AGMO: variants seen among roughly 807,000 people sequenced by gnomAD.
The protein encoded by AGMO is glyceryl-ether monooxygenase.
AGMO carries 75 observed loss-of-function variants against 60.2 expected under a neutral mutation model. The ratio of observed to expected loss-of-function variants is 1.25; its 90% CI spans 1.03 to 1.51. The LOEUF (loss-of-function observed/expected upper bound fraction) is 1.51, where lower values mean the gene tolerates loss of function less well. Among genes scored for constraint, AGMO ranks in the 40% most tolerant of loss-of-function variants. The pLI is 0.00. For synonymous variants in AGMO, 261 were observed against 177.1 expected, an observed-to-expected ratio of 1.47 and a Z score of -3.76; for missense variants, 763 against 525.5, an observed-to-expected ratio of 1.45 and a Z score of -4.42.
At chr7:15,375,930 A>C (rs1397867137) in intron 10 of AGMO, among the ~76,000 whole-genome samples, 1 of 152,144 alleles carries the variant, frequency 6.6e-6, no homozygotes, top group Non-Finnish European at 1.5e-5. Flanking sequence ...ATGAAGATAT[A>C]TTTAATTTCA....
At chr7:15,153,408 C>G in the AGMO span, among the ~76,000 whole-genome samples, 15 of 152,018 alleles carry the variant, frequency 9.9e-5, no homozygotes, top group East Asian at 3.9e-4. Context: ...AATCATGAAG[C>G]CTTTGCTTAA....
chr7:15,544,137 A>C (rs1242385186), intron 3 of AGMO, among the ~76,000 whole-genome samples: 2 of 151,776 alleles, frequency 1.3e-5, no homozygotes, highest in Non-Finnish European at 2.9e-5. Flanking sequence ...ACCAAACATC[A>C]TATGTTCTCA....
At chr7:15,514,659 T>G (rs1428881527) in intron 3 of AGMO, among the ~76,000 whole-genome samples, 1 of 152,236 alleles carries the variant, frequency 6.6e-6, no homozygotes, top group African/African-American at 2.4e-5. Context: ...CATTTACATC[T>G]TCAATAAAAG....
chr7:15,463,522 G>A (rs1031893199), intron 3 of AGMO, among the ~76,000 whole-genome samples: 3 of 152,152 alleles, frequency 2.0e-5, no homozygotes, highest in African/African-American at 7.2e-5. Context: ...AGATTCTACA[G>A]TTGTACATTA....
intron 12 of AGMO, among the ~76,000 whole-genome samples, chr7:15,292,654 AAAAG>A (rs1784302364): frequency 6.6e-6 from 1 of 152,066 alleles, no homozygotes; most frequent in Non-Finnish European, 1.5e-5. Context: ...GGACAAAATA[AAAAG>A]AAAGACAAAG....
At chr7:15,195,904 T>C (rs1271512160), downstream of AGMO, among the ~76,000 whole-genome samples, 1 of 152,042 alleles carries the variant, frequency 6.6e-6, no homozygotes, top group African/African-American at 2.4e-5. Context: ...ATGGTGACAA[T>C]ATTTTTCGAC....
intron 5 of AGMO, among the ~76,000 whole-genome samples, chr7:15,405,057 T>G (rs1418929771): frequency 6.6e-6 from 1 of 151,880 alleles, no homozygotes; most frequent in Non-Finnish European, 1.5e-5. Flanking sequence ...TGCCCTGTCA[T>G]TTCCATTTTC....
intron 3 of AGMO, among the ~76,000 whole-genome samples, chr7:15,533,094 T>C (rs1177589740): frequency 6.6e-6 from 1 of 152,182 alleles, no homozygotes; most frequent in Non-Finnish European, 1.5e-5. Flanking sequence ...CAGAGTAGTA[T>C]CCTTAAGTAC....
intron 12 of AGMO, among the ~76,000 whole-genome samples, chr7:15,223,914 G>C (rs1453804227): frequency 6.6e-6 from 1 of 151,886 alleles, no homozygotes; most frequent in Non-Finnish European, 1.5e-5. Context: ...AGCTTCATTG[G>C]GAAATGTTCC....
chr7:15,478,688 C>T (rs1782663916), intron 3 of AGMO, among the ~76,000 whole-genome samples: 1 of 152,148 alleles, frequency 6.6e-6, no homozygotes, highest in Non-Finnish European at 1.5e-5. Flanking sequence ...CAAGCGTTGT[C>T]ATCACTGGTC....
At chr7:15,444,915 A>G (rs1159701303) in intron 3 of AGMO, among the ~76,000 whole-genome samples, 2 of 152,208 alleles carry the variant, frequency 1.3e-5, no homozygotes, top group Non-Finnish European at 2.9e-5. Context: ...GCTTAATGGC[A>G]TTATCATCAT....
intron 12 of AGMO, among the ~76,000 whole-genome samples, chr7:15,350,775 T>C (rs1782210390): frequency 6.6e-6 from 1 of 152,172 alleles, no homozygotes; most frequent in Non-Finnish European, 1.5e-5. Context: ...TTCCAGAATA[T>C]TGTTAAAGGC....
chr7:15,535,985 C>T (rs116136277), intron 3 of AGMO, among the ~76,000 whole-genome samples: 2,198 of 151,856 alleles, frequency 0.014, 58 homozygotes, highest in African/African-American at 0.05. Flanking sequence ...TGAGTGCCTA[C>T]TTTATAGAGT....
Position 15,560,136 on chromosome 7 carries a change from C to T in AGMO, c.257+5G>A. The T allele has an allele frequency of 6.2e-7, 1 of 1,604,324 alleles. No individual in the cohort carries two copies. The stretch of plus-strand genomic sequence containing the variant: ...ATGCTCAGCGTTGTTGACCATCTAA[C>T]TCACCTTGGAAGTCGAGACAGAACA... On this transcript the variant is annotated splice_donor_5th_base_variant and intron_variant, in intron 2 of 12. Coordinates refer to ENST00000342526, the MANE Select transcript of AGMO (RefSeq NM_001004320.2).
At chr7:15,473,247 C>T (rs78094275) in intron 3 of AGMO, among the ~76,000 whole-genome samples, 1 of 151,784 alleles carries the variant, frequency 6.6e-6, no homozygotes, top group Non-Finnish European at 1.5e-5. Flanking sequence ...GAAATTGAGG[C>T]AGTAATTAAT....
At chr7:15,549,905 C>T (rs1227245344) in intron 2 of AGMO, among the ~76,000 whole-genome samples, 1 of 151,112 alleles carries the variant, frequency 6.6e-6, no homozygotes, top group South Asian at 2.1e-4. Context: ...AAATTGACCA[C>T]ATACTGGGAA....
In AGMO at chr7:15,354,301, T is replaced by TACGTGTATAC. The variant is rs1400839476; in HGVS notation, c.1263+11203_1263+11212dup. ...ATATCACGAATGAGATAAATATATATACGTGTATACACGCGTGTATATACG... is the reference window on the plus strand; with the variant it reads ...ATATCACGAATGAGATAAATATATATACGTGTATACACGTGTATACACGCGTGTATATACG... On this transcript the variant is annotated intron_variant, in intron 12 of 12. Transcript: ENST00000342526. Among the ~76,000 whole-genome samples the TACGTGTATAC allele has an allele frequency of 1.8e-3, 166 of 92,430 alleles. 18 individuals carry two copies. The highest frequency in any genetic ancestry group is 2.2e-3 in the Non-Finnish European group (108 of 49,356). 60.6% of individuals were successfully genotyped at this position (92,430 alleles called of 152,430 possible). A position where few individuals can be genotyped will look rare whatever the true frequency, so the allele number is the denominator to read the frequency against.
intron 5 of AGMO, chr7:15,396,594 C>G (rs1238416451): frequency 6.6e-6 from 1 of 152,304 alleles, no homozygotes; most frequent in Non-Finnish European, 1.5e-5. Flanking sequence ...CTTGGATCGC[C>G]AGCTTTTATT....
At chr7:15,468,385 C>T (rs1782347998) in intron 3 of AGMO, among the ~76,000 whole-genome samples, 1 of 152,084 alleles carries the variant, frequency 6.6e-6, no homozygotes, top group Non-Finnish European at 1.5e-5. Context: ...AACTCACTTA[C>T]ATTTGAAATT....
Sources: gnomAD v4.1 joint callset for allele counts (sites outside exome capture counted in the v4.1 genomes callset) on GRCh38, gnomAD v4.1.1 for gene constraint, MANE v1.5 for transcripts, NCBI Gene and HGNC (gene_info 2026-07-23, HGNC 2026-07-21) for gene names.